PTPRE: variants seen among roughly 807,000 people sequenced by gnomAD.
PTPRE encodes receptor-type tyrosine-protein phosphatase epsilon.
A neutral mutation model predicts 102.0 loss-of-function variants in PTPRE; 51 were observed. The observed-to-expected ratio is 0.50, with a 90% CI of 0.40 to 0.63. The LOEUF (loss-of-function observed/expected upper bound fraction) is 0.63. PTPRE is among the 30% of genes least tolerant of loss of function. The probability of loss-of-function intolerance (pLI) is 0.00; values close to 1 mark genes in which losing one functional copy is unlikely to be tolerated. For synonymous variants in PTPRE, 345 were observed against 348.2 expected, an observed-to-expected ratio of 0.99 and a Z score of 0.10; for missense variants, 752 against 915.1, an observed-to-expected ratio of 0.82 and a Z score of 2.30.
intron 6 of PTPRE, among the ~76,000 whole-genome samples, chr10:128,053,392 A>G (rs973748418): frequency 6.6e-6 from 1 of 152,252 alleles, no homozygotes; most frequent in Non-Finnish European, 1.5e-5. Context: ...GCAAGCCCCA[A>G]GCAAGACACT....
Position 128,083,085 on chromosome 10 carries a change from G to C in PTPRE, c.*179G>C, listed in dbSNP as rs941231218. ...TCTTAAATATGCTTTTTAAAAATTGGAATAATGTATTAAGGTCAAATAATA... is the reference window on the plus strand; with the variant it reads ...TCTTAAATATGCTTTTTAAAAATTGCAATAATGTATTAAGGTCAAATAATA... On this transcript the variant is annotated 3_prime_UTR_variant, in exon 21 of 21. Transcript: ENST00000254667. The C allele has an allele frequency of 4.2e-6, 2 of 471,802 alleles. No individual in the cohort carries two copies. Among genetic ancestry groups the C allele is most frequent in the African/African-American group, 4.1e-5 (2 of 49,072 alleles). The allele number at this position is 471,802 out of a possible 1,614,324, so 29.2% of individuals were successfully genotyped here. A position where few individuals can be genotyped will look rare whatever the true frequency, so the allele number is the denominator to read the frequency against.
At chr10:128,061,263 C>T (rs1036108269) in intron 8 of PTPRE, among the ~76,000 whole-genome samples, 1 of 152,216 alleles carries the variant, frequency 6.6e-6, no homozygotes, top group African/African-American at 2.4e-5. Context: ...CCAAATAGAA[C>T]AGGGAGCATG....
At chr10:127,930,443 A>G (rs1847346347) in intron 1 of PTPRE, among the ~76,000 whole-genome samples, 1 of 152,208 alleles carries the variant, frequency 6.6e-6, no homozygotes, top group African/African-American at 2.4e-5. Context: ...GTGTGTATCA[A>G]TAGTCCATTC....
At chr10:127,958,839 T>C (rs1467597609) in intron 1 of PTPRE, among the ~76,000 whole-genome samples, 1 of 152,038 alleles carries the variant, frequency 6.6e-6, no homozygotes, top group Non-Finnish European at 1.5e-5. Context: ...TTTTAGAAGA[T>C]TATTAATTAT....
At chr10:128,033,698 G>A (rs1306120056) in intron 2 of PTPRE, among the ~76,000 whole-genome samples, 1 of 152,218 alleles carries the variant, frequency 6.6e-6, no homozygotes, top group African/African-American at 2.4e-5. Context: ...AGGCTAGAGT[G>A]CAGTGGCACA....
intron 1 of PTPRE, among the ~76,000 whole-genome samples, chr10:127,974,546 A>G (rs138634865): frequency 9.2e-5 from 14 of 152,192 alleles, no homozygotes; most frequent in Admixed American, 3.9e-4. Flanking sequence ...CTGCATTTCA[A>G]CGATCTGTTT....
At chr10:127,953,232 A>G (rs1849164195) in intron 1 of PTPRE, among the ~76,000 whole-genome samples, 1 of 152,240 alleles carries the variant, frequency 6.6e-6, no homozygotes, top group Non-Finnish European at 1.5e-5. Context: ...ATGACCCAGC[A>G]GACCCAGTGG....
chr10:128,079,045 G>C (rs183302437), intron 19 of PTPRE, among the ~76,000 whole-genome samples: 24 of 152,334 alleles, frequency 1.6e-4, no homozygotes, highest in African/African-American at 5.8e-4. Flanking sequence ...GGCCTTGCTG[G>C]GAAGTGTCAG....
intron 1 of PTPRE, among the ~76,000 whole-genome samples, chr10:127,912,072 C>A (rs570401747): frequency 1.3e-5 from 2 of 152,104 alleles, no homozygotes; most frequent in Non-Finnish European, 2.9e-5. Context: ...ATGAAGGCAG[C>A]CTCCTTTTCT....
At chr10:127,980,800 G>T (rs929510401) in intron 1 of PTPRE, among the ~76,000 whole-genome samples, 1 of 152,142 alleles carries the variant, frequency 6.6e-6, no homozygotes, top group African/African-American at 2.4e-5. Flanking sequence ...GTGTGCTGTA[G>T]AGTCTTTATT....
chr10:127,999,558 T>C (rs1441683139), intron 2 of PTPRE: 1 of 985,288 alleles, frequency 1.0e-6, no homozygotes, highest in Non-Finnish European at 1.2e-6. Flanking sequence ...CTGGGACTGC[T>C]GACTGCACCA....
intron 2 of PTPRE, among the ~76,000 whole-genome samples, chr10:128,025,275 C>A (rs1304256967): frequency 6.6e-6 from 1 of 151,698 alleles, no homozygotes; most frequent in Non-Finnish European, 1.5e-5. Flanking sequence ...TTGCCACTTG[C>A]TGTTACTCTG....
Position 128,077,760 on chromosome 10 carries a change from C to A in PTPRE, c.1869C>A (p.Asn623Lys). Reference sequence around the variant, plus strand: ...AGAAGCAGCAGCAGCAGACAGGCAACCACCCCATCACCGTGCACTGCAGGT... The same window carrying A: ...AGAAGCAGCAGCAGCAGACAGGCAAACACCCCATCACCGTGCACTGCAGGT... ...AVQKQQQQTG[N>K]HPITVHCSAG... The change falls in exon 19 of 21, where the codon AAC becomes AAA. Residue 623 changes from asparagine (N) to lysine (K), a missense_variant. Physicochemically the swap from Asn to Lys is moderately conservative, Grantham distance 94. Around this residue, in one of 2 missense-constraint regions of PTPRE, gnomAD observed 636 missense variants for 824.4 expected, o/e 0.77. Transcript: ENST00000254667. The A allele has an allele frequency of 1.9e-6, 3 of 1,606,546 alleles. No individual in the cohort carries two copies. The highest frequency in any genetic ancestry group is 2.6e-6 in the Non-Finnish European group (3 of 1,173,912).
At chr10:128,054,007 C>T (rs372615840) in intron 6 of PTPRE, among the ~76,000 whole-genome samples, 71 of 152,214 alleles carry the variant, frequency 4.7e-4, no homozygotes, top group Middle Eastern at 3.4e-3. Context: ...GTGATCCACC[C>T]GCCTCGACTT....
chr10:127,938,104 G>A (rs1847962507), intron 1 of PTPRE, among the ~76,000 whole-genome samples: 1 of 152,200 alleles, frequency 6.6e-6, no homozygotes, highest in Non-Finnish European at 1.5e-5. Context: ...CTTGCCTCTT[G>A]CCAAGTGCTG....
In PTPRE at chr10:127,944,711, T is replaced by C. The variant is rs146750082; in HGVS notation, c.-31+37402T>C. 6.6e-6 allele frequency among the ~76,000 whole-genome samples: 1 copy of C among 152,154 alleles called. No individual in the cohort carries two copies. ...CAAATGGAACTGTGTATTTGAAAGA[T>C]CTCTGTGGCTCCACGTGGATAGCAG... On this transcript the variant is annotated intron_variant, in intron 1 of 20. Transcript: ENST00000254667. This position sits in a 1 kb window ranked among gnomAD's most constrained non-coding sequence, Gnocchi z 4.2.
chr10:128,077,833 C>G (rs1564976047), intron 19 of PTPRE, 50 bp downstream of exon 19: 8 of 1,538,692 alleles, frequency 5.2e-6, no homozygotes, highest in Non-Finnish European at 6.2e-6. Context: ...CAGGCTGCAC[C>G]CCCCCAGTAC....
intron 2 of PTPRE, among the ~76,000 whole-genome samples, chr10:128,022,893 G>C (rs1465839213): frequency 3.0e-4 from 45 of 152,224 alleles, no homozygotes; most frequent in Non-Finnish European, 5.6e-4. Flanking sequence ...TGGAATTGTA[G>C]TAATTTTGAC....
intron 1 of PTPRE, among the ~76,000 whole-genome samples, chr10:127,976,310 T>C (rs996339830): frequency 6.6e-6 from 1 of 152,096 alleles, no homozygotes; most frequent in Admixed American, 6.5e-5. Flanking sequence ...ATACTGATAA[T>C]AATGGCATAG....
Sources: allele counts gnomAD v4.1 joint callset (sites outside exome capture counted in the v4.1 genomes callset), GRCh38; gene constraint gnomAD v4.1.1; regional missense constraint gnomAD v4.1.1; non-coding constraint Gnocchi (gnomAD v3.1); transcripts MANE v1.5; gene names NCBI Gene and HGNC (gene_info 2026-07-23, HGNC 2026-07-21).